Variants in SCN7A observed in about 807,000 individuals in gnomAD.
The protein encoded by SCN7A is sodium channel protein type 7 subunit alpha.
SCN7A carries 138 observed loss-of-function variants against 155.2 expected under a neutral mutation model. That is an observed-to-expected ratio of 0.89 (90% CI 0.77 to 1.02). The LOEUF (loss-of-function observed/expected upper bound fraction) is 1.02. Among genes scored for constraint, SCN7A ranks in the 50% least tolerant of loss-of-function variants. SCN7A has a pLI of 0.00. For missense variants in SCN7A, 2,058 were observed against 1,986.6 expected (o/e 1.04, Z -0.68); for synonymous variants, 693 against 649.0 (o/e 1.07, Z -1.03).
At chr2:166,411,912 A>G (rs1412029105) in intron 23 of SCN7A, among the ~76,000 whole-genome samples, 1 of 152,056 alleles carries the variant, frequency 6.6e-6, no homozygotes, top group Non-Finnish European at 1.5e-5. Flanking sequence ...TTCCCAAAAG[A>G]GATTAGGTGC....
At chr2:166,471,539 C>T (rs1055302904) in intron 6 of SCN7A, among the ~76,000 whole-genome samples, 2 of 151,778 alleles carry the variant, frequency 1.3e-5, no homozygotes, top group Non-Finnish European at 2.9e-5. Flanking sequence ...CATCTTTATG[C>T]TGTTTATAAA....
chr2:166,472,330 C>A lies in SCN7A; in HGVS notation c.559G>T (p.Val187Leu). 6.2e-7 allele frequency: 1 copy of A among 1,605,244 alleles called. No individual in the cohort carries two copies. Among genetic ancestry groups the A allele is most frequent in the Non-Finnish European group, 8.5e-7 (1 of 1,175,486 alleles). Reference sequence around the variant, plus strand: ...AGAAATACTCACTCAAACACAGTTACGCTGAAATCGAGCCAGTTCCATGGA... The same window carrying A: ...AGAAATACTCACTCAAACACAGTTAAGCTGAAATCGAGCCAGTTCCATGGA... ...GDPWNWLDFS[V>L]TVFEVIIRYS... Residue 187 changes from valine to leucine, a missense_variant, in exon 6 of 26, where the codon GTA becomes TTA. Transcript: ENST00000643258.
intron 20 of SCN7A, among the ~76,000 whole-genome samples, 177 bp from the exon 21 acceptor site, chr2:166,417,162 A>G (rs1399257605): frequency 2.0e-5 from 3 of 152,178 alleles, no homozygotes; most frequent in South Asian, 2.1e-4. Flanking sequence ...ATAGCAATTC[A>G]ATTTTTATTT....
intron 15 of SCN7A, 105 bp from the exon 16 acceptor site, chr2:166,432,857 G>A (rs1217176607): frequency 4.0e-6 from 3 of 755,266 alleles, no homozygotes; most frequent in Non-Finnish European, 6.1e-6. Flanking sequence ...TATCTACTCT[G>A]TTAGCATTTT....
Position 166,406,577 on chromosome 2 carries a change from G to A in SCN7A, c.4052C>T (p.Ser1351Leu). 2 of 1,612,664 alleles carry A rather than the reference G, an allele frequency of 1.2e-6. No individual in the cohort carries two copies. Among genetic ancestry groups the A allele is most frequent in the Non-Finnish European group, 1.7e-6 (2 of 1,179,162 alleles). The change falls in exon 26 of 26, where the codon TCA becomes TTA. Residue 1351 changes from serine (S) to leucine (L), a missense_variant. Transcript: ENST00000643258. The part of the protein sequence containing the change: ...PPSLVQLILL[S>L]RIIHMLRLGK... ...AAGACGCAGCATGTGAATGATCCGT[G>A]AGAGAAGTATCAGTTGCACAAGTGA...
At chr2:166,478,729 A>G (rs1278046469) in intron 2 of SCN7A, among the ~76,000 whole-genome samples, 2 of 152,030 alleles carry the variant, frequency 1.3e-5, no homozygotes, top group Non-Finnish European at 2.9e-5. Context: ...ATTTATTTAT[A>G]TATGTCCTTG....
chr2:166,465,910 G>GA lies in SCN7A; in HGVS notation c.741dup (p.Leu248SerfsTer19), dbSNP rs769551067. On this transcript the variant is annotated frameshift_variant, in exon 8 of 26. Coordinates refer to ENST00000643258, the MANE Select transcript of SCN7A (RefSeq NM_002976.4). LOFTEE classifies it high-confidence loss of function. ...ATCCCAATTAGAGAAAATATGCTCAGAAAAAACAGAGTTAGGATAATGACA... is the reference window on the plus strand; with the variant it reads ...ATCCCAATTAGAGAAAATATGCTCAGAAAAAAACAGAGTTAGGATAATGACA... The GA allele has an allele frequency of 6.2e-7, 1 of 1,613,758 alleles. No individual in the cohort carries two copies. Among genetic ancestry groups the GA allele is most frequent in the Non-Finnish European group, 8.5e-7 (1 of 1,179,796 alleles).
intron 17 of SCN7A, 110 bp from the exon 18 acceptor site, chr2:166,428,052 C>G (rs932390432): frequency 1.8e-6 from 2 of 1,096,664 alleles, no homozygotes; most frequent in Non-Finnish European, 2.6e-6. Flanking sequence ...AAATTCTAAT[C>G]CAGGTTGTCT....
In SCN7A at chr2:166,409,711, A is replaced by G. The variant is rs1432515399; in HGVS notation, c.3936T>C (p.Ile1312=). Residue 1312 remains isoleucine, a synonymous_variant, in exon 25 of 26, where the codon ATT becomes ATC. Coordinates refer to ENST00000643258, the MANE Select transcript of SCN7A (RefSeq NM_002976.4). ...LIAFRCFYFT[I]AWNIFDFMVV... ...CCATAAAATCAAAAATGTTCCACGC[A>G]ATGGTGAAATAAAAACAACGGAAAG... is the stretch of plus-strand genomic sequence containing the variant. The G allele has an allele frequency of 1.3e-6, 2 of 1,543,058 alleles. No homozygotes were observed. Among genetic ancestry groups the G allele is most frequent in the Non-Finnish European group, 1.7e-6 (2 of 1,144,534 alleles).
rs1285340001 is a variant in SCN7A at position 166,447,623 on chromosome 2, C to A, written c.1376G>T (p.Arg459Ile). 3 of 1,608,358 alleles carry A rather than the reference C, an allele frequency of 1.9e-6. No individual in the cohort carries two copies. The highest frequency in any genetic ancestry group is 2.6e-6 in the Non-Finnish European group (3 of 1,175,256). ...ATTTAGTACTTTACCTTCCTTATGT[C>A]TGAGAGTAGCATCTTCCAACACATC... ...SLDVLEDATLRHKEELEKSKK... is the reference protein window; with the variant it reads ...SLDVLEDATLIHKEELEKSKK... The change falls in exon 12 of 26, where the codon AGA becomes ATA. Residue 459 changes from arginine to isoleucine, a missense_variant. Arg to Ile is a moderately conservative substitution (Grantham distance 97, BLOSUM62 -3). Coordinates refer to ENST00000643258, the MANE Select transcript of SCN7A (RefSeq NM_002976.4).
chr2:166,461,326 G>A (rs1474920018), intron 10 of SCN7A, among the ~76,000 whole-genome samples: 1 of 152,020 alleles, frequency 6.6e-6, no homozygotes, highest in African/African-American at 2.4e-5. Flanking sequence ...TTAGAGTAAT[G>A]CTGCTTTGAA....
rs774454779 is a variant in SCN7A, at chr2:166,432,289, T to C, written c.2592+29A>G. ...TATCAACAATACTATAAATCACCAC[T>C]AAGCAATCAGGATATTTAAACATCT... On this transcript the variant is annotated intron_variant, in intron 16 of 25. Coordinates refer to ENST00000643258, the MANE Select transcript of SCN7A (RefSeq NM_002976.4). 7.8e-6 allele frequency: 12 copies of C among 1,538,520 alleles called. 1 individual carries two copies. The Admixed American group carries it at 1.5e-4, about 20-fold the overall frequency.
At chr2:166,415,250 G>C (rs1190210577) in intron 21 of SCN7A, among the ~76,000 whole-genome samples, 1 of 145,950 alleles carries the variant, frequency 6.9e-6, no homozygotes, top group Non-Finnish European at 1.5e-5. Flanking sequence ...CTTTGAGAGA[G>C]TGTCACACTT....
rs1447631967 is a variant in SCN7A, at chr2:166,432,601, G to T, written c.2309C>A (p.Thr770Lys). The T allele has an allele frequency of 6.2e-7, 1 of 1,612,738 alleles. No individual in the cohort carries two copies. The highest frequency in any genetic ancestry group is 1.3e-5 in the African/African-American group (1 of 74,798). ...NYVLLKILCK[T>K]QNVPKDTMDH... ...CATTGTGTCCTTTGGGACATTTTGTGTTTTGCATAGTATTTTAAGAAGCAC... is the reference window on the plus strand; with the variant it reads ...CATTGTGTCCTTTGGGACATTTTGTTTTTTGCATAGTATTTTAAGAAGCAC... The change falls in exon 16 of 26, where the codon ACA becomes AAA. Residue 770 changes from threonine to lysine, a missense_variant. Thr to Lys is a moderately conservative substitution (Grantham distance 78). Coordinates refer to ENST00000643258, the MANE Select transcript of SCN7A (RefSeq NM_002976.4).
intron 2 of SCN7A, among the ~76,000 whole-genome samples, chr2:166,480,664 T>C (rs1446506890): frequency 6.6e-6 from 1 of 152,196 alleles, no homozygotes; most frequent in Non-Finnish European, 1.5e-5. Flanking sequence ...AGACTTTTGT[T>C]TCCTGCCTTA....
chr2:166,416,762 T>G lies in SCN7A; in HGVS notation c.3359A>C (p.Asn1120Thr). 6.2e-7 allele frequency: 1 copy of G among 1,612,522 alleles called. No homozygotes were observed. The highest frequency in any genetic ancestry group is 2.2e-5 in the East Asian group (1 of 44,744). The change falls in exon 21 of 26, where the codon AAT becomes ACT. Residue 1120 changes from asparagine to threonine, a missense_variant. Transcript: ENST00000643258. Reference sequence around the variant, plus strand: ...AACATTATCAAAGTTCATTTTTGCATTTTCCCATAGCATGGATTCGTTAAA... The same window carrying G: ...AACATTATCAAAGTTCATTTTTGCAGTTTCCCATAGCATGGATTCGTTAAA... ...LLFNESMLWE[N>T]AKMNFDNVGN... is the part of the protein sequence containing the mutation.
intron 15 of SCN7A, among the ~76,000 whole-genome samples, chr2:166,437,770 A>C (rs1256884353): frequency 2.6e-5 from 4 of 152,090 alleles, no homozygotes; most frequent in Admixed American, 1.3e-4. Context: ...AGGTTTAGTG[A>C]CTGCCCTATT....
At position 166,446,859 on chromosome 2, in the gene SCN7A, G is replaced by A. The variant is rs114414205; in HGVS notation, c.1387+753C>T. Among the ~76,000 whole-genome samples the A allele has an allele frequency of 8.3e-3, 1,258 of 152,154 alleles. 18 individuals carry two copies. The highest frequency in any genetic ancestry group is 0.028 in the African/African-American group (1,166 of 41,526). ...GGACACAGGGAGGTGGGCATCACACGCAGGGACCTGTCGGTGGGTAGGGGG... is the reference window on the plus strand; with the variant it reads ...GGACACAGGGAGGTGGGCATCACACACAGGGACCTGTCGGTGGGTAGGGGG... On this transcript the variant is annotated intron_variant, in intron 12 of 25. Coordinates refer to ENST00000643258, the MANE Select transcript of SCN7A (RefSeq NM_002976.4).
At chr2:166,445,743 G>A (rs1033036300) in intron 12 of SCN7A, among the ~76,000 whole-genome samples, 1 of 151,802 alleles carries the variant, frequency 6.6e-6, no homozygotes, top group East Asian at 1.9e-4. Flanking sequence ...GCTTTTTGAC[G>A]TGCTGCTGGA....
Sources: allele counts gnomAD v4.1 joint callset (sites outside exome capture counted in the v4.1 genomes callset), GRCh38; gene constraint gnomAD v4.1.1; transcripts MANE v1.5; gene names NCBI Gene and HGNC (gene_info 2026-07-23, HGNC 2026-07-21).